Variants in DLGAP2 observed in about 807,000 individuals in gnomAD.
DLGAP2 encodes the protein disks large-associated protein 2.
In DLGAP2, 26 loss-of-function variants were observed where a neutral mutation model predicts 100.3. The observed-to-expected ratio is 0.26, with a 90% CI of 0.19 to 0.36. The LOEUF (loss-of-function observed/expected upper bound fraction) is 0.36, where lower values mean the gene tolerates loss of function less well. Ranked by LOEUF, DLGAP2 falls within the 10% of genes least tolerant of loss-of-function variation. DLGAP2 has a pLI of 1.00. For missense variants in DLGAP2, 1,858 were observed against 1,453.2 expected (o/e 1.28, Z -4.53); for synonymous variants, 886 against 630.1 (o/e 1.41, Z -6.08).
chr8:1,305,537 A>G (rs1298091073), intron 3 of DLGAP2, among the ~76,000 whole-genome samples: 1 of 152,208 alleles, frequency 6.6e-6, no homozygotes, highest in Non-Finnish European at 1.5e-5. Flanking sequence ...GGACGAATGC[A>G]GGGTGCTCAT....
chr8:1,147,028 A>G (rs1213477872), intron 2 of DLGAP2, among the ~76,000 whole-genome samples: 2 of 152,038 alleles, frequency 1.3e-5, no homozygotes, highest in African/African-American at 4.8e-5. Flanking sequence ...TTAAAGAACA[A>G]CTCATTGGGC....
At chr8:758,104 T>G (rs1452315099) in intron 1 of DLGAP2, among the ~76,000 whole-genome samples, 1 of 152,212 alleles carries the variant, frequency 6.6e-6, no homozygotes, top group Admixed American at 6.5e-5. Flanking sequence ...AAGATCAGAA[T>G]GAAAATGAGC....
At chr8:1,422,275 T>C (rs4876041) in intron 3 of DLGAP2, among the ~76,000 whole-genome samples, 24,154 of 152,168 alleles carry the variant, frequency 0.16, 2,090 homozygotes, top group South Asian at 0.26. Flanking sequence ...AGACCAGGGA[T>C]AGAAAAATGT....
At chr8:989,417 A>G (rs951111303) in intron 2 of DLGAP2, among the ~76,000 whole-genome samples, 4 of 151,980 alleles carry the variant, frequency 2.6e-5, no homozygotes, top group Non-Finnish European at 4.4e-5. Flanking sequence ...AATCGGCCGC[A>G]CTTGTGTTTT....
intron 8 of DLGAP2, among the ~76,000 whole-genome samples, chr8:1,654,038 C>T (rs762866680): frequency 1.3e-5 from 2 of 152,156 alleles, no homozygotes; most frequent in Non-Finnish European, 2.9e-5. Flanking sequence ...CACTATTTGC[C>T]ATGTGCATGG....
chr8:1,340,841 A>G (rs977706295), intron 3 of DLGAP2, among the ~76,000 whole-genome samples: 1 of 152,234 alleles, frequency 6.6e-6, no homozygotes, highest in Non-Finnish European at 1.5e-5. Context: ...CCTAAATGCC[A>G]TCAATGGTAG....
intron 2 of DLGAP2, among the ~76,000 whole-genome samples, chr8:1,258,003 C>T (rs1024411915): frequency 3.9e-5 from 6 of 152,252 alleles, no homozygotes; most frequent in African/African-American, 1.4e-4. Context: ...TGTGTCTGTG[C>T]ACTTGCTACA....
chr8:1,519,208 C>G (rs766793973), intron 4 of DLGAP2, among the ~76,000 whole-genome samples: 2 of 152,274 alleles, frequency 1.3e-5, no homozygotes, highest in Non-Finnish European at 2.9e-5. Context: ...CAACGCTGTC[C>G]TGGAAAGTGA....
At chr8:1,192,613 A>C (rs1202597858) in intron 2 of DLGAP2, among the ~76,000 whole-genome samples, 1 of 145,006 alleles carries the variant, frequency 6.9e-6, no homozygotes, top group Admixed American at 6.9e-5. Context: ...TCTTGGATGC[A>C]TCATGTCAGT....
rs115962908 is a variant in DLGAP2 at position 1,048,665 on chromosome 8, C to T, written c.73+140699C>T. Among the ~76,000 whole-genome samples the T allele has an allele frequency of 5.4e-3, 826 of 152,020 alleles. 10 individuals are homozygous for T. The highest frequency in any genetic ancestry group is 0.019 in the African/African-American group (785 of 41,478). On this transcript the variant is annotated intron_variant, in intron 2 of 14. Transcript: ENST00000637795. ...CAAACCACATGCCTTGATGTGGGTGCTGTGATGTTGTTTGAATGAGAAGAA... is the reference window on the plus strand; with the variant it reads ...CAAACCACATGCCTTGATGTGGGTGTTGTGATGTTGTTTGAATGAGAAGAA...
intron 10 of DLGAP2, 107 bp downstream of exon 10, chr8:1,669,891 G>A: frequency 5.3e-6 from 4 of 748,876 alleles, no homozygotes; most frequent in Admixed American, 1.8e-5. Flanking sequence ...CTGATTCTAT[G>A]TGCCAGGCAC....
intron 3 of DLGAP2, among the ~76,000 whole-genome samples, chr8:1,316,560 C>T (rs551220737): frequency 1.5e-5 from 2 of 134,524 alleles, no homozygotes; most frequent in African/African-American, 2.7e-5. Context: ...TGTGCGAGTG[C>T]AGCGTCTCTC....
chr8:1,143,039 T>A (rs1030074853), intron 2 of DLGAP2, among the ~76,000 whole-genome samples: 5 of 152,316 alleles, frequency 3.3e-5, no homozygotes, highest in South Asian at 4.1e-4. Flanking sequence ...CAGCATCCCC[T>A]CTGCAGGGGC....
chr8:783,457 GAT>G (rs1821756034), intron 1 of DLGAP2, among the ~76,000 whole-genome samples: 1 of 152,208 alleles, frequency 6.6e-6, no homozygotes, highest in African/African-American at 2.4e-5. Context: ...GCAAAAGACA[GAT>G]AGTTTTCTGG....
intron 3 of DLGAP2, among the ~76,000 whole-genome samples, chr8:1,498,053 A>T (rs1456785896): frequency 6.6e-6 from 1 of 152,192 alleles, no homozygotes; most frequent in African/African-American, 2.4e-5. Context: ...TTGGGTCTGG[A>T]AAGGCAGGAC....
chr8:1,380,730 C>T (rs939961698), intron 3 of DLGAP2, among the ~76,000 whole-genome samples: 1 of 151,876 alleles, frequency 6.6e-6, no homozygotes, highest in African/African-American at 2.4e-5. Context: ...TACACGCTTG[C>T]GAAAGTCATG....
chr8:1,039,668 AGCTCG>A (rs1802255731), intron 2 of DLGAP2, among the ~76,000 whole-genome samples: 3 of 84,992 alleles, frequency 3.5e-5, no homozygotes, highest in African/African-American at 5.1e-5. Context: ...GTGGGTGGTC[AGCTCG>A]GTGTGCGTGG....
chr8:999,480 CTT>C (rs779189186), intron 2 of DLGAP2, among the ~76,000 whole-genome samples: 7 of 137,254 alleles, frequency 5.1e-5, no homozygotes, highest in Admixed American at 7.3e-5. Context: ...GGTGGTTTTT[CTT>C]TTTTTTTTTT....
At chr8:1,118,349 A>G (rs773138382) in intron 2 of DLGAP2, among the ~76,000 whole-genome samples, 3 of 152,192 alleles carry the variant, frequency 2.0e-5, no homozygotes, top group Non-Finnish European at 2.9e-5. Context: ...TCGAAACTGC[A>G]TTACATTGTC....
Sources: allele counts gnomAD v4.1 joint callset (sites outside exome capture counted in the v4.1 genomes callset), GRCh38; gene constraint gnomAD v4.1.1; transcripts MANE v1.5; gene names NCBI Gene and HGNC (gene_info 2026-07-23, HGNC 2026-07-21).